CYCS: variants seen among roughly 807,000 people sequenced by gnomAD.
The protein encoded by CYCS is cytochrome c.
For synonymous variants in CYCS, 41 were observed against 43.0 expected (o/e 0.95, Z 0.18); for missense variants, 87 against 125.3 (o/e 0.69, Z 1.46).
chr7:25,118,797 ATTTAAAATGTTAAATT>A lies in CYCS; in HGVS notation c.*4888_*4903del, dbSNP rs994450946. Among the ~76,000 whole-genome samples the A allele has an allele frequency of 1.3e-5, 2 of 151,892 alleles. No individual in the cohort carries two copies. The highest frequency in any genetic ancestry group is 4.8e-5 in the African/African-American group (2 of 41,458). ...GTTACAGACATATTTAAATGTTTAA[ATTTAAAATGTTAAATT>A]TAACATTTTAACATGTTTAAATGTT... On this transcript the variant is annotated 3_prime_UTR_variant, in exon 3 of 3. Coordinates refer to ENST00000305786, the MANE Select transcript of CYCS (RefSeq NM_018947.6).
chr7:25,122,282 A>T lies in CYCS; in HGVS notation c.*1419T>A, dbSNP rs1235709027. Reference sequence around the variant, plus strand: ...AGCTTTCCACATTTCTATAAATAAAAATAAGACTCATATGTTATAAATTGC... The same window carrying T: ...AGCTTTCCACATTTCTATAAATAAATATAAGACTCATATGTTATAAATTGC... On this transcript the variant is annotated 3_prime_UTR_variant, in exon 3 of 3. Coordinates refer to ENST00000305786, the MANE Select transcript of CYCS (RefSeq NM_018947.6). The T allele has an allele frequency of 6.6e-6, 1 of 152,210 alleles. No homozygotes were observed. Among genetic ancestry groups the T allele is most frequent in the East Asian group, 1.9e-4 (1 of 5,206 alleles). The allele number at this position is 152,210 out of a possible 1,614,324, so 9.4% of individuals were successfully genotyped here.
rs1342779583 is a variant in CYCS at position 25,124,136 on chromosome 7, G to A, written c.-8-9C>T. 3 of 1,609,542 alleles carry A rather than the reference G, an allele frequency of 1.9e-6. No individual in the cohort carries two copies. The highest frequency in any genetic ancestry group is 1.3e-5 in the African/African-American group (1 of 74,942). On this transcript the variant is annotated splice_polypyrimidine_tract_variant and intron_variant, in intron 1 of 2. Transcript: ENST00000305786. ...ATCACCCATATTTAATTCTAAAAAC[G>A]AAAGCTTCAACTTAGTAAATTTTTC...
chr7:25,123,573 G>T lies in CYCS; in HGVS notation c.*128C>A, dbSNP rs986405356. 4.6e-6 allele frequency: 4 copies of T among 861,770 alleles called. No individual in the cohort carries two copies. The highest frequency in any genetic ancestry group is 2.0e-5 in the Admixed American group (1 of 50,334). 53.4% of individuals were successfully genotyped at this position (861,770 alleles called of 1,614,324 possible). On this transcript the variant is annotated 3_prime_UTR_variant, in exon 3 of 3. Coordinates refer to ENST00000305786, the MANE Select transcript of CYCS (RefSeq NM_018947.6). ...CCAGTCTTAGTTTTAAATCAGGACTGCCCAACAAAATATTCTGTCAGTCAT... is the reference window on the plus strand; with the variant it reads ...CCAGTCTTAGTTTTAAATCAGGACTTCCCAACAAAATATTCTGTCAGTCAT...
chr7:25,124,928 T>C (rs1783423026), intron 1 of CYCS: 2 of 152,536 alleles, frequency 1.3e-5, no homozygotes, highest in South Asian at 4.1e-4. Flanking sequence ...CAGCAACCAC[T>C]ACGGAAGAGG....
chr7:25,118,665 C>T lies in CYCS; in HGVS notation c.*5036G>A, dbSNP rs1015865523. Among the ~76,000 whole-genome samples the T allele has an allele frequency of 1.7e-4, 26 of 152,122 alleles. No individual in the cohort carries two copies. The highest frequency in any genetic ancestry group is 2.2e-4 in the Non-Finnish European group (15 of 68,018). On this transcript the variant is annotated 3_prime_UTR_variant, in exon 3 of 3. Coordinates refer to ENST00000305786, the MANE Select transcript of CYCS (RefSeq NM_018947.6). ...CAGGCATCTGGTCAGATTGGGTCCA[C>T]GGGCTGTTTATTGATACACACTAAA...
rs1022331404 is a variant in CYCS at position 25,122,299 on chromosome 7, A to G, written c.*1402T>C. 2 of 152,252 alleles carry G rather than the reference A, an allele frequency of 1.3e-5. No individual in the cohort carries two copies. Among genetic ancestry groups the G allele is most frequent in the African/African-American group, 4.8e-5 (2 of 41,456 alleles). The allele number at this position is 152,252 out of a possible 1,614,324, so 9.4% of individuals were successfully genotyped here. On this transcript the variant is annotated 3_prime_UTR_variant, in exon 3 of 3. Transcript: ENST00000305786. ...TAAATAAAAATAAGACTCATATGTT[A>G]TAAATTGCTTTCAGGCCTTAAAACA...
Position 25,123,983 on chromosome 7 carries a change from C to T in CYCS, c.137G>A (p.Gly46Glu). 2 of 1,614,092 alleles carry T rather than the reference C, an allele frequency of 1.2e-6. No individual in the cohort carries two copies. Among genetic ancestry groups the T allele is most frequent in the Non-Finnish European group, 1.7e-6 (2 of 1,180,022 alleles). ...CTTATTGGCGGCTGTGTAAGAGTAT[C>T]CAGGGGCCTGACCTGTCTTCCGCCC... ...LFGRKTGQAP[G>E]YSYTAANKNK... Residue 46 changes from glycine to glutamate, a missense_variant, in exon 2 of 3, where the codon GGA becomes GAA. By Grantham distance (98) the Gly-to-Glu change is moderately conservative. Transcript: ENST00000305786.
rs1489203695 is a variant in CYCS, at chr7:25,121,537, C to T, written c.*2164G>A. 1 of 151,926 alleles carries T rather than the reference C, an allele frequency of 6.6e-6. No homozygotes were observed. The highest frequency in any genetic ancestry group is 1.5e-5 in the Non-Finnish European group (1 of 68,034). 9.4% of individuals were successfully genotyped at this position (151,926 alleles called of 1,614,324 possible). The stretch of plus-strand genomic sequence containing the variant: ...GGGCGAAAAGGGCGAAACTCCGTCT[C>T]AGAAAAAATAAATGAGAAAAATTTT... On this transcript the variant is annotated 3_prime_UTR_variant, in exon 3 of 3. Transcript: ENST00000305786.
rs1164031271 is a variant in CYCS, at chr7:25,120,400, T to G, written c.*3301A>C. 16 of 152,168 alleles carry G rather than the reference T, an allele frequency of 1.1e-4. No homozygotes were observed. The highest frequency in any genetic ancestry group is 1.0e-3 in the Admixed American group (16 of 15,246). The allele number at this position is 152,168 out of a possible 1,614,324, so 9.4% of individuals were successfully genotyped here. ...CATGCCCGGCTAATTCTAGATTTAA[T>G]AGAGTAAAGAGAAAGTACTTTTGTT... On this transcript the variant is annotated 3_prime_UTR_variant, in exon 3 of 3. Transcript: ENST00000305786.
In CYCS at chr7:25,122,865, G is replaced by C. The variant is rs1783384690; in HGVS notation, c.*836C>G. On this transcript the variant is annotated 3_prime_UTR_variant, in exon 3 of 3. Coordinates refer to ENST00000305786, the MANE Select transcript of CYCS (RefSeq NM_018947.6). ...TTTCTTTTTAATTATCTTTAGTCTT[G>C]TGATCACACATAATTTTAAAATTTG... 6.6e-6 allele frequency: 1 copy of C among 152,166 alleles called. No individual in the cohort carries two copies. Among genetic ancestry groups the C allele is most frequent in the South Asian group, 2.1e-4 (1 of 4,830 alleles). 9.4% of individuals were successfully genotyped at this position (152,166 alleles called of 1,614,324 possible).
Position 25,119,081 on chromosome 7 carries a change from T to C in CYCS, c.*4620A>G, listed in dbSNP as rs1783318161. ...ATACAGCCAAAGCAGCAGCTCAGTATGTACCCCGACAGTGCCTAGAAGAGA... is the reference window on the plus strand; with the variant it reads ...ATACAGCCAAAGCAGCAGCTCAGTACGTACCCCGACAGTGCCTAGAAGAGA... On this transcript the variant is annotated 3_prime_UTR_variant, in exon 3 of 3. Coordinates refer to ENST00000305786, the MANE Select transcript of CYCS (RefSeq NM_018947.6). 6.6e-6 allele frequency among the ~76,000 whole-genome samples: 1 copy of C among 152,202 alleles called. No homozygotes were observed.
Position 25,120,049 on chromosome 7 carries a change from C to T in CYCS, c.*3652G>A, listed in dbSNP as rs1783334737. ...AGGTGAGCACAACAGGAACTGGAAT[C>T]TATTCTGAAGGGCAATATAATGTAC... On this transcript the variant is annotated 3_prime_UTR_variant, in exon 3 of 3. Coordinates refer to ENST00000305786, the MANE Select transcript of CYCS (RefSeq NM_018947.6). 6.6e-6 allele frequency: 1 copy of T among 151,660 alleles called. No individual in the cohort carries two copies. Among genetic ancestry groups the T allele is most frequent in the Non-Finnish European group, 1.5e-5 (1 of 67,974 alleles). The allele number at this position is 151,660 out of a possible 1,614,324, so 9.4% of individuals were successfully genotyped here. A position where few individuals can be genotyped will look rare whatever the true frequency, so the allele number is the denominator to read the frequency against.
intron 1 of CYCS, 22 bp from the exon 2 acceptor site, chr7:25,124,149 T>C (rs1486063595): frequency 6.2e-7 from 1 of 1,601,838 alleles, no homozygotes; most frequent in Non-Finnish European, 8.5e-7. Flanking sequence ...AGCTTCAACT[T>C]AGTAAATTTT....
Position 25,119,763 on chromosome 7 carries a change from A to G in CYCS, c.*3938T>C, listed in dbSNP as rs1215830873. Among the ~76,000 whole-genome samples the G allele has an allele frequency of 6.6e-6, 1 of 152,226 alleles. No individual in the cohort carries two copies. Among genetic ancestry groups the G allele is most frequent in the Non-Finnish European group, 1.5e-5 (1 of 68,038 alleles). On this transcript the variant is annotated 3_prime_UTR_variant, in exon 3 of 3. Coordinates refer to ENST00000305786, the MANE Select transcript of CYCS (RefSeq NM_018947.6). ...TTATCTAGTTTACTCTTACCCAAGTATAAATGATATGAAACAATCTGAGAC... is the reference window on the plus strand; with the variant it reads ...TTATCTAGTTTACTCTTACCCAAGTGTAAATGATATGAAACAATCTGAGAC...
rs756023589 is a variant in CYCS at position 25,119,007 on chromosome 7, A to T, written c.*4694T>A. Among the ~76,000 whole-genome samples, 1 of 152,090 alleles carries T rather than the reference A, an allele frequency of 6.6e-6. No individual in the cohort carries two copies. Among genetic ancestry groups the T allele is most frequent in the Non-Finnish European group, 1.5e-5 (1 of 68,012 alleles). On this transcript the variant is annotated 3_prime_UTR_variant, in exon 3 of 3. Coordinates refer to ENST00000305786, the MANE Select transcript of CYCS (RefSeq NM_018947.6). ...ATGGATATCCAACATTTTGTACTGA[A>T]CTCTAAGGATATGAACACCAGGACA...
rs116007779 is a variant in CYCS, at chr7:25,124,309, T to C, written c.-8-182A>G. 2.7e-3 allele frequency among the ~76,000 whole-genome samples: 415 copies of C among 152,310 alleles called. 1 individual carries two copies. Among genetic ancestry groups the C allele is most frequent in the African/African-American group, 9.5e-3 (396 of 41,568 alleles). On this transcript the variant is annotated intron_variant, in intron 1 of 2. Coordinates refer to ENST00000305786, the MANE Select transcript of CYCS (RefSeq NM_018947.6). ...AATATTCTTTAATACCAAAAACATT[T>C]TTAGGAGTACCTCCTCAAAAACGTA...
At position 25,122,109 on chromosome 7, in the gene CYCS, C is replaced by A. The variant is rs1252083917; in HGVS notation, c.*1592G>T. The A allele has an allele frequency of 6.6e-6, 1 of 152,078 alleles. No homozygotes were observed. The highest frequency in any genetic ancestry group is 2.4e-5 in the African/African-American group (1 of 41,388). The allele number at this position is 152,078 out of a possible 1,614,324, so 9.4% of individuals were successfully genotyped here. ...GTCCCCTTGTAAGCTACTTGCTACA[C>A]TGTCCCTGAATACCACTAACTTTAT... On this transcript the variant is annotated 3_prime_UTR_variant, in exon 3 of 3. Transcript: ENST00000305786.
chr7:25,122,233 G>C lies in CYCS; in HGVS notation c.*1468C>G, dbSNP rs1257522364. The C allele has an allele frequency of 6.6e-6, 1 of 152,084 alleles. No individual in the cohort carries two copies. The highest frequency in any genetic ancestry group is 2.4e-5 in the African/African-American group (1 of 41,372). The allele number at this position is 152,084 out of a possible 1,614,324, so 9.4% of individuals were successfully genotyped here. A position where few individuals can be genotyped will look rare whatever the true frequency, so the allele number is the denominator to read the frequency against. On this transcript the variant is annotated 3_prime_UTR_variant, in exon 3 of 3. Transcript: ENST00000305786. ...AAATTCCCCACCAGAACTCAGACTAGGACTTCAAATATGAATTACAGCAAG... is the reference window on the plus strand; with the variant it reads ...AAATTCCCCACCAGAACTCAGACTACGACTTCAAATATGAATTACAGCAAG...
rs1300978315 is a variant in CYCS at position 25,119,002 on chromosome 7, AC to A, written c.*4698del. Among the ~76,000 whole-genome samples the A allele has an allele frequency of 6.6e-5, 10 of 152,198 alleles. No homozygotes were observed. The highest frequency in any genetic ancestry group is 1.3e-4 in the Admixed American group (2 of 15,288). ...ATTAAATGGATATCCAACATTTTGTACTGAACTCTAAGGATATGAACACCAG... is the reference window on the plus strand; with the variant it reads ...ATTAAATGGATATCCAACATTTTGTATGAACTCTAAGGATATGAACACCAG... On this transcript the variant is annotated 3_prime_UTR_variant, in exon 3 of 3. Transcript: ENST00000305786.
Sources: gnomAD v4.1 joint callset for allele counts (sites outside exome capture counted in the v4.1 genomes callset) on GRCh38, gnomAD v4.1.1 for gene constraint, MANE v1.5 for transcripts, NCBI Gene and HGNC (gene_info 2026-07-23, HGNC 2026-07-21) for gene names.